Variants in SLC9C1 observed in about 807,000 individuals in gnomAD.
SLC9C1 encodes solute carrier family 9 member C1.
SLC9C1 carries 97 observed loss-of-function variants against 140.9 expected under a neutral mutation model. That is an observed-to-expected ratio of 0.69 (90% CI 0.58 to 0.82). SLC9C1 has a LOEUF of 0.82. Ranked by LOEUF, SLC9C1 falls within the 40% of genes least tolerant of loss-of-function variation. The probability of loss-of-function intolerance (pLI) is 0.00; values close to 1 mark genes in which losing one functional copy is unlikely to be tolerated. For missense variants in SLC9C1, 1,340 were observed against 1,389.3 expected (o/e 0.96, Z 0.56); for synonymous variants, 440 against 442.6 (o/e 0.99, Z 0.07).
intron 10 of SLC9C1, among the ~76,000 whole-genome samples, chr3:112,259,760 C>T (rs928645650): frequency 6.6e-6 from 1 of 152,056 alleles, no homozygotes; most frequent in Non-Finnish European, 1.5e-5. Flanking sequence ...CACATGTATC[C>T]CTGAACCTAA....
intron 14 of SLC9C1, 78 bp from the exon 15 acceptor site, chr3:112,217,639 T>G (rs2078420830): frequency 7.4e-7 from 1 of 1,345,190 alleles, no homozygotes; most frequent in African/African-American, 1.5e-5. Flanking sequence ...AGTTTAATGT[T>G]GTACATAAGT....
intron 14 of SLC9C1, among the ~76,000 whole-genome samples, chr3:112,218,114 A>G (rs17446282): frequency 0.2 from 30,248 of 151,668 alleles, 3,366 homozygotes; most frequent in Middle Eastern, 0.26. Flanking sequence ...GTCACTGGTC[A>G]TAAGAGCTCA....
intron 26 of SLC9C1, 123 bp from the exon 27 acceptor site, chr3:112,155,172 T>A: frequency 1.4e-6 from 1 of 712,782 alleles, no homozygotes; most frequent in Non-Finnish European, 2.2e-6. Context: ...CTGAAATTGG[T>A]GGTAATCTCA....
At chr3:112,217,117 A>G (rs2078398300) in intron 15 of SLC9C1, among the ~76,000 whole-genome samples, 1 of 152,114 alleles carries the variant, frequency 6.6e-6, no homozygotes, top group East Asian at 1.9e-4. Context: ...GAAAAACCAA[A>G]CACCACATGT....
intron 28 of SLC9C1, among the ~76,000 whole-genome samples, chr3:112,150,225 T>G (rs1039643432): frequency 6.6e-6 from 1 of 152,190 alleles, no homozygotes; most frequent in Non-Finnish European, 1.5e-5. Context: ...CAAAAATGAC[T>G]GACTTTTTAT....
At chr3:112,265,742 C>T (rs757951345) in intron 8 of SLC9C1, among the ~76,000 whole-genome samples, 1 of 152,112 alleles carries the variant, frequency 6.6e-6, no homozygotes, top group Non-Finnish European at 1.5e-5. Flanking sequence ...TGTGGTCATA[C>T]TTTCTTTTAT....
intron 13 of SLC9C1, among the ~76,000 whole-genome samples, chr3:112,229,593 G>A (rs188678728): frequency 1.3e-5 from 2 of 151,788 alleles, no homozygotes; most frequent in African/African-American, 4.8e-5. Context: ...CAAGCAAAAG[G>A]GTGTATAGAT....
chr3:112,169,899 C>A (rs2077213841), intron 23 of SLC9C1, among the ~76,000 whole-genome samples: 1 of 152,046 alleles, frequency 6.6e-6, no homozygotes. Context: ...TCTAAAATTT[C>A]TTTCCATAAA....
intron 10 of SLC9C1, among the ~76,000 whole-genome samples, chr3:112,255,861 C>T (rs1474311916): frequency 6.6e-6 from 1 of 151,660 alleles, no homozygotes; most frequent in East Asian, 1.9e-4. Context: ...AAGAAGAGAA[C>T]ATTCAAATAA....
chr3:112,280,939 A>G (rs2080341528), intron 2 of SLC9C1, among the ~76,000 whole-genome samples, 156 bp from the exon 3 acceptor site: 1 of 152,204 alleles, frequency 6.6e-6, no homozygotes, highest in Admixed American at 6.5e-5. Flanking sequence ...ACACAGAATC[A>G]GTGTAACTGT....
chr3:112,284,743 G>A (rs1235493234), intron 2 of SLC9C1, among the ~76,000 whole-genome samples: 3 of 152,166 alleles, frequency 2.0e-5, no homozygotes, highest in African/African-American at 7.2e-5. Flanking sequence ...ACTTTTGGAA[G>A]CTGACCCAAA....
chr3:112,244,521 G>A (rs762335693), intron 10 of SLC9C1, among the ~76,000 whole-genome samples: 3 of 152,164 alleles, frequency 2.0e-5, no homozygotes, highest in Non-Finnish European at 4.4e-5. Flanking sequence ...TGGGAAAGGA[G>A]AACAACTCAA....
At chr3:112,292,469 TAAA>T (rs1458639912) in intron 1 of SLC9C1, among the ~76,000 whole-genome samples, 1 of 152,188 alleles carries the variant, frequency 6.6e-6, no homozygotes, top group East Asian at 1.9e-4. Context: ...AAAATAGTTT[TAAA>T]AATACTAACA....
At chr3:112,278,625 T>G in intron 4 of SLC9C1, 104 bp downstream of exon 4, 1 of 1,270,404 alleles carries the variant, frequency 7.9e-7, no homozygotes, top group Non-Finnish European at 1.1e-6. Context: ...CATACCCTTT[T>G]CTTTCTTCTT....
chr3:112,249,912 A>G (rs1390483780), intron 10 of SLC9C1, among the ~76,000 whole-genome samples: 1 of 151,512 alleles, frequency 6.6e-6, no homozygotes, highest in African/African-American at 2.4e-5. Flanking sequence ...GATGTTTTCT[A>G]TGTTTTTTTT....
chr3:112,186,333 A>G (rs937100065), intron 20 of SLC9C1, among the ~76,000 whole-genome samples: 1 of 152,162 alleles, frequency 6.6e-6, no homozygotes, highest in Non-Finnish European at 1.5e-5. Flanking sequence ...TTTACCTTTA[A>G]CAGTTATGTC....
rs180899827 is a variant in SLC9C1, at chr3:112,244,874, G to A, written c.1198-798C>T. 2.5e-3 allele frequency among the ~76,000 whole-genome samples: 385 copies of A among 152,258 alleles called. 6 individuals are homozygous for A. The highest frequency in any genetic ancestry group is 5.4e-4 in the Non-Finnish European group (37 of 68,030). ...ACTTTAAGATATTGGTACTCAGGAG[G>A]TCCCCACTGAATATTCTGATCTAAT... On this transcript the variant is annotated intron_variant, in intron 10 of 28. Coordinates refer to ENST00000305815, the MANE Select transcript of SLC9C1 (RefSeq NM_183061.3).
chr3:112,205,248 C>G (rs961135404), intron 16 of SLC9C1, among the ~76,000 whole-genome samples: 1 of 151,962 alleles, frequency 6.6e-6, no homozygotes, highest in South Asian at 2.1e-4. Flanking sequence ...AGCATTCTTA[C>G]ACACCAATAA....
At chr3:112,273,149 G>A (rs189370685) in intron 6 of SLC9C1, among the ~76,000 whole-genome samples, 165 of 152,058 alleles carry the variant, frequency 1.1e-3, no homozygotes, top group Middle Eastern at 6.8e-3. Context: ...CCCAAGGGTG[G>A]CCCTTGAGTT....
Sources: allele counts gnomAD v4.1 joint callset (sites outside exome capture counted in the v4.1 genomes callset), GRCh38; gene constraint gnomAD v4.1.1; transcripts MANE v1.5; gene names NCBI Gene and HGNC (gene_info 2026-07-23, HGNC 2026-07-21).